Variants in KCNQ5 observed in about 807,000 individuals in gnomAD.
The protein encoded by KCNQ5 is potassium voltage-gated channel subfamily KQT member 5.
In KCNQ5, 30 loss-of-function variants were observed where a neutral mutation model predicts 98.2. The observed-to-expected ratio is 0.31, with a 90% CI of 0.23 to 0.41. KCNQ5 has a LOEUF of 0.41. KCNQ5 is among the 10% of genes least tolerant of loss of function. KCNQ5 has a pLI of 1.00. For missense variants in KCNQ5, 835 were observed against 1,182.5 expected, an observed-to-expected ratio of 0.71 and a Z score of 4.31; for synonymous variants, 458 against 449.4, an observed-to-expected ratio of 1.02 and a Z score of -0.24.
intron 1 of KCNQ5, among the ~76,000 whole-genome samples, chr6:72,896,431 T>TAA (rs541011612): frequency 5.5e-5 from 8 of 145,172 alleles, no homozygotes; most frequent in African/African-American, 2.0e-4. Context: ...TATCTACTTG[T>TAA]AAAAAAAAAA....
At chr6:73,126,370 G>T (rs1004385029) in intron 9 of KCNQ5, among the ~76,000 whole-genome samples, 2 of 152,160 alleles carry the variant, frequency 1.3e-5, no homozygotes, top group African/African-American at 4.8e-5. Context: ...TGAAGGAGGG[G>T]TCACCTTGGG....
chr6:72,942,409 T>C (rs1458552596), intron 1 of KCNQ5, among the ~76,000 whole-genome samples: 1 of 152,084 alleles, frequency 6.6e-6, no homozygotes, highest in Non-Finnish European at 1.5e-5. Context: ...TATGTAAAAA[T>C]TGAGACGTGG....
intron 1 of KCNQ5, among the ~76,000 whole-genome samples, chr6:72,662,000 A>G (rs1023877112): frequency 6.6e-6 from 1 of 152,060 alleles, no homozygotes; most frequent in African/African-American, 2.4e-5. Context: ...ATGCTTTCCC[A>G]TACAACCCAT....
chr6:72,809,149 A>G (rs938298929), intron 1 of KCNQ5, among the ~76,000 whole-genome samples: 10 of 148,602 alleles, frequency 6.7e-5, no homozygotes, highest in African/African-American at 2.5e-5. Context: ...AGAACAAAAA[A>G]CCAAACACCG....
chr6:73,171,550 G>A (rs1778016404), intron 11 of KCNQ5, among the ~76,000 whole-genome samples: 1 of 152,124 alleles, frequency 6.6e-6, no homozygotes, highest in South Asian at 2.1e-4. Context: ...AGGCTACTGA[G>A]GCTATTTAAA....
chr6:72,917,420 A>T (rs543139834), intron 1 of KCNQ5, among the ~76,000 whole-genome samples: 1 of 149,688 alleles, frequency 6.7e-6, no homozygotes, highest in African/African-American at 2.5e-5. Flanking sequence ...ATTCTGGGGG[A>T]TTTAGGAGCC....
At chr6:72,962,889 G>C (rs1397329547) in intron 1 of KCNQ5, among the ~76,000 whole-genome samples, 1 of 151,972 alleles carries the variant, frequency 6.6e-6, no homozygotes, top group Non-Finnish European at 1.5e-5. Flanking sequence ...TTTCATTTAG[G>C]AATTTTGTTA....
intron 1 of KCNQ5, among the ~76,000 whole-genome samples, chr6:72,654,160 G>A (rs1429635332): frequency 6.6e-6 from 1 of 151,936 alleles, no homozygotes; most frequent in Non-Finnish European, 1.5e-5. Flanking sequence ...ACATCATTGT[G>A]TTTGAGACCA....
At chr6:72,680,333 A>C (rs1436360036) in intron 1 of KCNQ5, among the ~76,000 whole-genome samples, 1 of 152,214 alleles carries the variant, frequency 6.6e-6, no homozygotes, top group South Asian at 2.1e-4. Context: ...TTCAAGGTAC[A>C]TTCATGGTGT....
intron 9 of KCNQ5, among the ~76,000 whole-genome samples, chr6:73,126,531 T>C (rs956111991): frequency 1.3e-5 from 2 of 152,204 alleles, no homozygotes; most frequent in African/African-American, 4.8e-5. Context: ...AACCAAATTT[T>C]CCACATTTAT....
rs776002842 is a variant in KCNQ5, at chr6:73,077,927, GA to G, written c.918+42del. The G allele has an allele frequency of 2.2e-5, 33 of 1,521,844 alleles. 1 individual carries two copies. The highest frequency in any genetic ancestry group is 1.7e-4 in the South Asian group (13 of 76,802). The allele number at this position is 1,521,844 out of a possible 1,614,324, so 94.3% of individuals were successfully genotyped here. ...ACATTTTTTATTTATTGGATGTTGT[GA>G]ATTGTTTTTTTTTAATACAACGTAA... is the stretch of plus-strand genomic sequence containing the variant. On this transcript the variant is annotated intron_variant, in intron 5 of 13. Coordinates refer to ENST00000370398, the MANE Select transcript of KCNQ5 (RefSeq NM_019842.4).
intron 10 of KCNQ5, among the ~76,000 whole-genome samples, chr6:73,160,971 A>G (rs1777597386): frequency 6.6e-6 from 1 of 152,236 alleles, no homozygotes; most frequent in Non-Finnish European, 1.5e-5. Context: ...GAAGATATCC[A>G]AAAGAAAAGA....
At chr6:72,676,072 G>T (rs1418825297) in intron 1 of KCNQ5, among the ~76,000 whole-genome samples, 1 of 152,158 alleles carries the variant, frequency 6.6e-6, no homozygotes, top group Non-Finnish European at 1.5e-5. Context: ...CTCTTGCAAA[G>T]ACCTTTGGAC....
At chr6:72,792,079 C>A (rs80068006) in intron 1 of KCNQ5, among the ~76,000 whole-genome samples, 9 of 152,156 alleles carry the variant, frequency 5.9e-5, no homozygotes, top group Non-Finnish European at 8.8e-5. Flanking sequence ...AGTGTAAAAT[C>A]TTGATTTGAG....
At chr6:73,125,399 G>T (rs1441942131) in intron 9 of KCNQ5, 1 of 518,032 alleles carries the variant, frequency 1.9e-6, no homozygotes, top group Admixed American at 1.9e-5. Flanking sequence ...GATGTGAAGA[G>T]TGGCAGAGGC....
intron 1 of KCNQ5, among the ~76,000 whole-genome samples, chr6:72,718,613 G>A (rs1769783091): frequency 1.3e-5 from 2 of 151,796 alleles, no homozygotes; most frequent in African/African-American, 4.8e-5. Context: ...ACCATGCCTG[G>A]CTAATTTTTA....
intron 11 of KCNQ5, among the ~76,000 whole-genome samples, chr6:73,170,487 T>C (rs9351979): frequency 0.43 from 63,370 of 148,886 alleles, 17,912 homozygotes; most frequent in African/African-American, 0.79. Context: ...ACTAGATGAA[T>C]TGCTGCATGC....
At chr6:72,720,729 C>T (rs1016020038) in intron 1 of KCNQ5, among the ~76,000 whole-genome samples, 8 of 152,172 alleles carry the variant, frequency 5.3e-5, no homozygotes, top group African/African-American at 1.2e-4. Context: ...TAGTTTGTCT[C>T]GTCTTCTTAT....
intron 1 of KCNQ5, among the ~76,000 whole-genome samples, chr6:72,633,897 A>C (rs1276653146): frequency 6.6e-6 from 1 of 152,242 alleles, no homozygotes; most frequent in Non-Finnish European, 1.5e-5. Flanking sequence ...AGATGGATTA[A>C]AGATTTAAAT....
Sources: gnomAD v4.1 joint callset for allele counts (sites outside exome capture counted in the v4.1 genomes callset) on GRCh38, gnomAD v4.1.1 for gene constraint, MANE v1.5 for transcripts, NCBI Gene and HGNC (gene_info 2026-07-23, HGNC 2026-07-21) for gene names.